The following CNTNAP2 variants were observed in gnomAD, a reference collection of about 807,000 sequenced individuals.
CNTNAP2 encodes contactin associated protein 2.
A neutral mutation model predicts 155.2 loss-of-function variants in CNTNAP2; 98 were observed. That is an observed-to-expected ratio of 0.63 (90% CI 0.54 to 0.75). CNTNAP2 has a LOEUF of 0.75. Among genes scored for constraint, CNTNAP2 ranks in the 30% least tolerant of loss-of-function variants. CNTNAP2 has a pLI of 0.00. For synonymous variants in CNTNAP2, 651 were observed against 631.2 expected, an observed-to-expected ratio of 1.03 and a Z score of -0.47; for missense variants, 1,727 against 1,688.1, an observed-to-expected ratio of 1.02 and a Z score of -0.40.
intron 13 of CNTNAP2, among the ~76,000 whole-genome samples, chr7:147,718,095 T>C (rs1379231867): frequency 2.6e-5 from 4 of 152,120 alleles, no homozygotes; most frequent in Admixed American, 6.5e-5. Context: ...TAGTATCTGA[T>C]GTATGAATGT....
intron 8 of CNTNAP2, among the ~76,000 whole-genome samples, chr7:147,289,846 A>G (rs556547740): frequency 9.2e-5 from 14 of 152,314 alleles, no homozygotes; most frequent in South Asian, 2.1e-4. Context: ...AATTTCATAT[A>G]TATTGGGTTT....
chr7:147,322,822 G>T (rs1795378539), intron 9 of CNTNAP2, among the ~76,000 whole-genome samples: 1 of 136,118 alleles, frequency 7.3e-6, no homozygotes. Flanking sequence ...ATGTGTCCAG[G>T]AATGTATCCA....
At chr7:147,971,613 A>G (rs777720077) in intron 14 of CNTNAP2, among the ~76,000 whole-genome samples, 36 of 152,256 alleles carry the variant, frequency 2.4e-4, no homozygotes, top group Non-Finnish European at 5.0e-4. Flanking sequence ...TTCATGTTGC[A>G]ACATGTATTC....
At chr7:146,384,326 A>G (rs992629430) in intron 1 of CNTNAP2, among the ~76,000 whole-genome samples, 3 of 152,194 alleles carry the variant, frequency 2.0e-5, no homozygotes, top group Admixed American at 6.5e-5. Flanking sequence ...AGATCAGTGG[A>G]GCACAAGACT....
At chr7:147,072,800 G>A (rs543307984) in intron 4 of CNTNAP2, among the ~76,000 whole-genome samples, 5 of 151,476 alleles carry the variant, frequency 3.3e-5, no homozygotes, top group Non-Finnish European at 7.4e-5. Context: ...TATTTTTGAG[G>A]AGGTGAACTT....
intron 13 of CNTNAP2, among the ~76,000 whole-genome samples, chr7:147,652,619 A>G (rs1795464653): frequency 1.3e-5 from 2 of 152,138 alleles, no homozygotes; most frequent in African/African-American, 4.8e-5. Context: ...ACCCAAGGAA[A>G]AACAGTAAAT....
intron 21 of CNTNAP2, among the ~76,000 whole-genome samples, chr7:148,274,099 T>C (rs912754605): frequency 2.6e-5 from 4 of 152,170 alleles, no homozygotes; most frequent in African/African-American, 9.7e-5. Context: ...AACATTTAAG[T>C]GCTCATGCAA....
intron 1 of CNTNAP2, among the ~76,000 whole-genome samples, chr7:146,550,921 A>G (rs1195870360): frequency 6.6e-6 from 1 of 152,128 alleles, no homozygotes; most frequent in Non-Finnish European, 1.5e-5. Context: ...ACTAAGGCCC[A>G]GACAGGGAGG....
At position 147,993,583 on chromosome 7, in the gene CNTNAP2, T is replaced by C. The variant is rs1376314016; in HGVS notation, c.2383+15594T>C. 2.6e-5 allele frequency among the ~76,000 whole-genome samples: 4 copies of C among 152,196 alleles called. No individual in the cohort carries two copies. The East Asian group carries it at 7.7e-4, about 29-fold the overall frequency. ...GCAGTGTCGATAAGAAAGCAAACTT[T>C]ACACCTTCACTTAGGGGTTGAGAAA... On this transcript the variant is annotated intron_variant, in intron 15 of 23. Transcript: ENST00000361727.
chr7:147,490,291 C>A (rs1476602906), intron 11 of CNTNAP2, among the ~76,000 whole-genome samples: 1 of 151,990 alleles, frequency 6.6e-6, no homozygotes, highest in African/African-American at 2.4e-5. Flanking sequence ...CCTGACATTG[C>A]CAAATAAAGC....
At chr7:148,075,077 G>C (rs553345205) in intron 15 of CNTNAP2, among the ~76,000 whole-genome samples, 1 of 152,178 alleles carries the variant, frequency 6.6e-6, no homozygotes, top group East Asian at 1.9e-4. Context: ...TAGCTAAACT[G>C]TCAATATTTT....
At chr7:147,560,604 C>T (rs1800043996) in intron 11 of CNTNAP2, among the ~76,000 whole-genome samples, 1 of 151,964 alleles carries the variant, frequency 6.6e-6, no homozygotes, top group Non-Finnish European at 1.5e-5. Context: ...GAGCAGTTTA[C>T]AAATGAGCAA....
chr7:148,374,010 GTTAA>G (rs1475188660), intron 21 of CNTNAP2, among the ~76,000 whole-genome samples: 5 of 152,176 alleles, frequency 3.3e-5, no homozygotes, highest in African/African-American at 1.2e-4. Context: ...TTTTTCTTGT[GTTAA>G]TTATGTGACA....
chr7:147,693,047 A>G (rs962745180), intron 13 of CNTNAP2, among the ~76,000 whole-genome samples: 1 of 151,874 alleles, frequency 6.6e-6, no homozygotes, highest in Non-Finnish European at 1.5e-5. Context: ...TAGATTATTT[A>G]TTTAGTTAGT....
intron 8 of CNTNAP2, among the ~76,000 whole-genome samples, chr7:147,282,157 T>A (rs1052883112): frequency 6.6e-6 from 1 of 151,832 alleles, no homozygotes; most frequent in African/African-American, 2.4e-5. Flanking sequence ...CTTGGGGAGA[T>A]TTGATAGTGG....
At chr7:146,946,397 G>T (rs1466582143) in intron 3 of CNTNAP2, among the ~76,000 whole-genome samples, 1 of 151,800 alleles carries the variant, frequency 6.6e-6, no homozygotes, top group Admixed American at 6.6e-5. Flanking sequence ...CATTCCTTAG[G>T]TATTTATAGT....
intron 13 of CNTNAP2, among the ~76,000 whole-genome samples, chr7:147,840,226 GGT>G (rs1456015859): frequency 6.6e-6 from 1 of 151,900 alleles, no homozygotes; most frequent in Non-Finnish European, 1.5e-5. Context: ...ACACTATTTG[GGT>G]GATAGTTATC....
chr7:147,435,816 A>C (rs1201329614), intron 10 of CNTNAP2, among the ~76,000 whole-genome samples: 1 of 152,176 alleles, frequency 6.6e-6, no homozygotes, highest in Non-Finnish European at 1.5e-5. Context: ...GAATAATAGC[A>C]CCTATTGCTA....
intron 11 of CNTNAP2, among the ~76,000 whole-genome samples, chr7:147,515,167 T>C (rs1275764470): frequency 6.6e-6 from 1 of 152,074 alleles, no homozygotes; most frequent in Non-Finnish European, 1.5e-5. Flanking sequence ...ACTTACCTAC[T>C]GCATGGCAAG....
Sources: gnomAD v4.1 joint callset for allele counts (sites outside exome capture counted in the v4.1 genomes callset) on GRCh38, gnomAD v4.1.1 for gene constraint, MANE v1.5 for transcripts, NCBI Gene and HGNC (gene_info 2026-07-23, HGNC 2026-07-21) for gene names.